ITGBL1: variants seen among roughly 807,000 people sequenced by gnomAD.
ITGBL1 encodes the protein integrin subunit beta like 1.
Under a neutral mutation model 68.5 loss-of-function variants are expected in ITGBL1, and 51 were observed. The observed-to-expected ratio is 0.74, with a 90% CI of 0.59 to 0.94. The LOEUF is 0.94. ITGBL1 is among the 40% of genes least tolerant of loss of function. The probability of loss-of-function intolerance (pLI) is 0.00; values close to 1 mark genes in which losing one functional copy is unlikely to be tolerated. For synonymous variants in ITGBL1, 209 were observed against 227.3 expected (o/e 0.92, Z 0.72); for missense variants, 649 against 647.4 (o/e 1.00, Z -0.03).
intron 2 of ITGBL1, among the ~76,000 whole-genome samples, chr13:101,503,635 A>G (rs1293912804): frequency 6.6e-6 from 1 of 152,164 alleles, no homozygotes; most frequent in African/African-American, 2.4e-5. Flanking sequence ...GTACACCCTG[A>G]GTTTCCCGAA....
At chr13:101,580,394 C>A (rs1227580617) in intron 5 of ITGBL1, among the ~76,000 whole-genome samples, 4 of 151,944 alleles carry the variant, frequency 2.6e-5, no homozygotes, top group Non-Finnish European at 4.4e-5. Flanking sequence ...TTTGTGGGGA[C>A]TAAATCTTAC....
At chr13:101,674,351 C>A (rs1214972565) in intron 7 of ITGBL1, among the ~76,000 whole-genome samples, 2 of 152,144 alleles carry the variant, frequency 1.3e-5, no homozygotes, top group East Asian at 3.9e-4. Flanking sequence ...CTTTTGCCAC[C>A]CTGAGTACTT....
chr13:101,704,484 T>TA (rs57687698), intron 8 of ITGBL1, among the ~76,000 whole-genome samples: 19,410 of 105,166 alleles, frequency 0.18, 2,052 homozygotes, highest in Non-Finnish European at 0.24. Flanking sequence ...ATTCATTCAG[T>TA]AAAAAAAAAA....
At chr13:101,486,860 T>C (rs1432026518) in intron 2 of ITGBL1, among the ~76,000 whole-genome samples, 1 of 152,192 alleles carries the variant, frequency 6.6e-6, no homozygotes, top group Non-Finnish European at 1.5e-5. Context: ...TGTATTTTAT[T>C]TGGTTTAATT....
chr13:101,557,828 T>A (rs1331490278), intron 2 of ITGBL1, among the ~76,000 whole-genome samples: 1 of 152,040 alleles, frequency 6.6e-6, no homozygotes, highest in South Asian at 2.1e-4. Flanking sequence ...CGGTGGCTCA[T>A]GCCTGTAATC....
At chr13:101,622,357 C>G (rs1159059821) in intron 7 of ITGBL1, among the ~76,000 whole-genome samples, 1 of 152,084 alleles carries the variant, frequency 6.6e-6, no homozygotes, top group East Asian at 1.9e-4. Context: ...TTAATCATTC[C>G]TATTTCCATC....
intron 8 of ITGBL1, among the ~76,000 whole-genome samples, chr13:101,697,286 A>G (rs1478983013): frequency 6.6e-6 from 1 of 152,172 alleles, no homozygotes; most frequent in Non-Finnish European, 1.5e-5. Flanking sequence ...TCACCCATTA[A>G]TTGATCATCC....
chr13:101,498,542 A>T (rs1434227778), intron 2 of ITGBL1, among the ~76,000 whole-genome samples: 2 of 152,186 alleles, frequency 1.3e-5, no homozygotes, highest in East Asian at 3.8e-4. Flanking sequence ...GTTAATTTAG[A>T]ATTCAAGTAA....
intron 2 of ITGBL1, among the ~76,000 whole-genome samples, chr13:101,515,605 T>G (rs2049182557): frequency 6.6e-6 from 1 of 152,010 alleles, no homozygotes; most frequent in African/African-American, 2.4e-5. Flanking sequence ...TTGATGGTAA[T>G]TTGTTTGGTT....
chr13:101,556,987 A>G (rs992349547), intron 2 of ITGBL1, among the ~76,000 whole-genome samples: 3 of 152,206 alleles, frequency 2.0e-5, no homozygotes, highest in African/African-American at 7.2e-5. Context: ...AGCAAGTCAT[A>G]CAAGCAGAAT....
chr13:101,604,887 T>TATATGCACACACACAC, intron 7 of ITGBL1, among the ~76,000 whole-genome samples: 12 of 22,166 alleles, frequency 5.4e-4, no homozygotes, highest in Non-Finnish European at 9.0e-4. Context: ...TATATATATA[T>TATATGCACACACACAC]ACACACACAC....
intron 3 of ITGBL1, among the ~76,000 whole-genome samples, chr13:101,575,119 A>G (rs931265044): frequency 6.6e-6 from 1 of 152,152 alleles, no homozygotes; most frequent in Non-Finnish European, 1.5e-5. Flanking sequence ...TAATCAGAAG[A>G]CATTCATGCA....
intron 3 of ITGBL1, among the ~76,000 whole-genome samples, chr13:101,572,785 C>G (rs1159920963): frequency 1.3e-5 from 2 of 152,020 alleles, no homozygotes; most frequent in Non-Finnish European, 1.5e-5. Flanking sequence ...AGTGAGGAGT[C>G]ATAGAATTTG....
chr13:101,514,526 C>T (rs1428695396), intron 2 of ITGBL1, among the ~76,000 whole-genome samples: 1 of 151,802 alleles, frequency 6.6e-6, no homozygotes, highest in African/African-American at 2.4e-5. Flanking sequence ...TCTTTAATGT[C>T]ATTTGTGTAG....
chr13:101,689,288 G>A (rs997204059), intron 7 of ITGBL1, among the ~76,000 whole-genome samples: 1 of 149,476 alleles, frequency 6.7e-6, no homozygotes, highest in African/African-American at 2.5e-5. Context: ...GAAATTGTGT[G>A]AGTAGGAGGA....
intron 7 of ITGBL1, among the ~76,000 whole-genome samples, chr13:101,604,875 T>TACACACACACACACAC (rs1425746436): frequency 9.8e-5 from 2 of 20,320 alleles, no homozygotes; most frequent in South Asian, 5.9e-3. Context: ...TATATATATA[T>TACACACACACACACAC]ATATATATAT....
chr13:101,453,916 G>A lies in ITGBL1; in HGVS notation c.132G>A (p.Arg44=). 1 of 1,328,610 alleles carries A rather than the reference G, an allele frequency of 7.5e-7. No individual in the cohort carries two copies. The allele number at this position is 1,328,610 out of a possible 1,614,324, so 82.3% of individuals were successfully genotyped here. ...SWPGAACRLS[R]AESERRCRAP... ...CGGGCGCCGCCTGCAGGCTGTCCCG[G>A]GCCGAGTCGGAGCGACGCTGCCGCG... Residue 44 remains arginine, a synonymous_variant, in exon 2 of 11, where the codon CGG becomes CGA. Coordinates refer to ENST00000376180, the MANE Select transcript of ITGBL1 (RefSeq NM_004791.3).
At position 101,711,610 on chromosome 13, in the gene ITGBL1, A is replaced by T. The variant is rs553501733; in HGVS notation, c.1280-2828A>T. On this transcript the variant is annotated intron_variant, in intron 9 of 10. Transcript: ENST00000376180. ...TGGATTGAATCAGAGTGAAGTCTTC[A>T]GTTAACTGTTTGTTTATTGCCTGTG... 4 of 152,334 alleles carry T rather than the reference A, an allele frequency of 2.6e-5. No individual in the cohort carries two copies. In the East Asian group the frequency reaches 7.7e-4, roughly 29 times the overall value. 9.4% of individuals were successfully genotyped at this position (152,334 alleles called of 1,614,324 possible). A position where few individuals can be genotyped will look rare whatever the true frequency, so the allele number is the denominator to read the frequency against.
chr13:101,698,524 A>C (rs551423735), intron 8 of ITGBL1, among the ~76,000 whole-genome samples: 2 of 152,354 alleles, frequency 1.3e-5, no homozygotes, highest in Admixed American at 6.5e-5. Flanking sequence ...GAAAATCAGC[A>C]TGAAGTGAGA....
Sources: gnomAD v4.1 joint callset for allele counts (sites outside exome capture counted in the v4.1 genomes callset) on GRCh38, gnomAD v4.1.1 for gene constraint, MANE v1.5 for transcripts, NCBI Gene and HGNC (gene_info 2026-07-23, HGNC 2026-07-21) for gene names.